The following IDO2 variants were observed in gnomAD, a reference collection of about 807,000 sequenced individuals.
IDO2 encodes the protein indoleamine 2,3-dioxygenase-like 1 protein.
IDO2 carries 46 observed loss-of-function variants against 45.1 expected under a neutral mutation model. The ratio of observed to expected loss-of-function variants is 1.02; its 90% CI spans 0.80 to 1.30. The LOEUF is 1.30. IDO2 is among the 50% of genes most tolerant of loss of function. The pLI, the probability that IDO2 is intolerant of heterozygous loss-of-function variation, is 0.00. For missense variants in IDO2, 544 were observed against 491.8 expected, an observed-to-expected ratio of 1.11 and a Z score of -1.00; for synonymous variants, 218 against 184.9, an observed-to-expected ratio of 1.18 and a Z score of -1.45.
At chr8:39,979,269 T>C in intron 4 of IDO2, 83 bp downstream of exon 4, 1 of 1,451,590 alleles carries the variant, frequency 6.9e-7, no homozygotes, top group Non-Finnish European at 9.3e-7. Context: ...GGTGCTACCC[T>C]GTTTTCCTGG....
At chr8:40,013,670 T>C in exon 10 of IDO2, 1 of 1,613,804 alleles carries the variant, frequency 6.2e-7, no homozygotes, top group South Asian at 1.1e-5. Flanking sequence ...CAGTGCTTCA[T>C]GCCTTTGATG....
chr8:39,998,093 A>G (rs1399195417), intron 8 of IDO2: 1 of 222,008 alleles, frequency 4.5e-6, no homozygotes, highest in Non-Finnish European at 9.5e-6. Context: ...CAGAGGTTCC[A>G]TATAACTGTC....
At chr8:39,985,560 AG>A (rs1808410671) in intron 6 of IDO2, 38 bp downstream of exon 6, 13 of 1,518,006 alleles carry the variant, frequency 8.6e-6, no homozygotes, top group African/African-American at 2.8e-5. Context: ...TTTAGAATCC[AG>A]GCCAAATTTA....
intron 2 of IDO2, among the ~76,000 whole-genome samples, chr8:39,960,746 C>T (rs1403825683): frequency 6.6e-6 from 1 of 152,178 alleles, no homozygotes; most frequent in East Asian, 1.9e-4. Flanking sequence ...TGATGATTCT[C>T]TACTTCTGTG....
At chr8:40,004,005 T>G (rs775548122) in intron 8 of IDO2, among the ~76,000 whole-genome samples, 1 of 152,248 alleles carries the variant, frequency 6.6e-6, no homozygotes, top group Non-Finnish European at 1.5e-5. Context: ...TCACACCTAT[T>G]GAAATGGTCA....
At chr8:39,954,790 G>A (rs1258463071) in intron 2 of IDO2, among the ~76,000 whole-genome samples, 1 of 151,284 alleles carries the variant, frequency 6.6e-6, no homozygotes, top group Non-Finnish European at 1.5e-5. Flanking sequence ...TGAATAGCTG[G>A]TATTACAGGT....
In IDO2 at chr8:39,958,743, G is replaced by A. The variant is rs1011220166; in HGVS notation, c.100-4865G>A. Among the ~76,000 whole-genome samples the A allele has an allele frequency of 9.8e-4, 149 of 152,066 alleles. 7 individuals are homozygous for A. Among genetic ancestry groups the A allele is most frequent in the Non-Finnish European group, 2.9e-5 (2 of 68,016 alleles). On this transcript the variant is annotated intron_variant, in intron 2 of 10. Transcript: ENST00000502986. ...TGGGATTACAGGTGTGAGCCACTGG[G>A]CCTGGCACCTGGTTTATTTTTGTGC...
At chr8:39,972,717 T>C (rs947787568) in intron 3 of IDO2, among the ~76,000 whole-genome samples, 4 of 151,498 alleles carry the variant, frequency 2.6e-5, no homozygotes, top group Admixed American at 1.3e-4. Flanking sequence ...AGTCAATTGA[T>C]GTGGCAAACC....
intron 2 of IDO2, among the ~76,000 whole-genome samples, chr8:39,960,564 A>G (rs1303962367): frequency 6.6e-6 from 1 of 152,064 alleles, no homozygotes; most frequent in Non-Finnish European, 1.5e-5. Flanking sequence ...CATTTTCTCT[A>G]TTTTCTAATT....
rs548853942 is a variant in IDO2, at chr8:39,972,891, G to T, written c.196-6176G>T. On this transcript the variant is annotated intron_variant, in intron 3 of 10. Coordinates refer to ENST00000502986, the Ensembl canonical transcript of IDO2. The stretch of plus-strand genomic sequence containing the variant: ...AGCAATAAAGTACTTTATAATTAAG[G>T]TATAAAGTACTTTATAATGTACATT... 3.3e-3 allele frequency among the ~76,000 whole-genome samples: 499 copies of T among 152,182 alleles called. 1 individual carries two copies. The highest frequency in any genetic ancestry group is 4.8e-3 in the Non-Finnish European group (324 of 68,000).
At chr8:39,999,922 A>G (rs1802108689) in intron 8 of IDO2, among the ~76,000 whole-genome samples, 1 of 152,148 alleles carries the variant, frequency 6.6e-6, no homozygotes, top group Non-Finnish European at 1.5e-5. Context: ...AGAGGAATTG[A>G]TTGCTGGGGT....
chr8:39,977,318 G>A (rs1261469467), intron 3 of IDO2, among the ~76,000 whole-genome samples: 1 of 152,362 alleles, frequency 6.6e-6, no homozygotes, highest in Admixed American at 6.5e-5. Flanking sequence ...TTTCGGCTAA[G>A]AGAGTGTCAA....
At chr8:39,980,289 A>C (rs559228367) in intron 4 of IDO2, among the ~76,000 whole-genome samples, 1 of 152,344 alleles carries the variant, frequency 6.6e-6, no homozygotes, top group East Asian at 1.9e-4. Flanking sequence ...GTCAGACAGC[A>C]AATTAGTGGA....
At chr8:39,981,264 G>A (rs1280514926) in intron 4 of IDO2, among the ~76,000 whole-genome samples, 1 of 151,904 alleles carries the variant, frequency 6.6e-6, no homozygotes, top group Non-Finnish European at 1.5e-5. Flanking sequence ...GTTTCACCAT[G>A]TTAGCCAGGA....
rs142928998 is a variant in IDO2 at position 39,989,758 on chromosome 8, A to G, written c.587A>G (p.Asn196Ser). Residue 196 changes from asparagine (N) to serine (S), a missense_variant, in exon 8 of 11, where the codon AAC (asparagine) becomes AGC (serine). By Grantham distance (46) the Asn-to-Ser change is conservative. Transcript: ENST00000502986. Reference sequence around the variant, plus strand: ...GCCACGAATGCTATCTTGCAGCCCAACCAGGAGGCCCTGCTCCAAGCCCTG... The same window carrying G: ...GCCACGAATGCTATCTTGCAGCCCAGCCAGGAGGCCCTGCTCCAAGCCCTG... 4.4e-5 allele frequency: 70 copies of G among 1,602,894 alleles called. No individual in the cohort carries two copies. The African/African-American group carries it at 8.0e-4, about 18-fold the overall frequency.
intron 1 of IDO2, among the ~76,000 whole-genome samples, chr8:39,948,817 A>C (rs1246138254): frequency 6.6e-6 from 1 of 152,142 alleles, no homozygotes; most frequent in Middle Eastern, 3.2e-3. Flanking sequence ...AGGTTTGATA[A>C]ACCACAACCA....
intron 8 of IDO2, among the ~76,000 whole-genome samples, chr8:39,999,205 A>C (rs1420266574): frequency 6.7e-6 from 1 of 149,638 alleles, no homozygotes; most frequent in Non-Finnish European, 1.5e-5. Flanking sequence ...GACTATGTGT[A>C]CCTGTTTCTC....
Position 39,992,797 on chromosome 8 carries a change from G to A in IDO2, c.667+2959G>A, listed in dbSNP as rs79676686. ...AGCCCAGCTTTAGCAAGAGTCATGA[G>A]CTCTAATCCCTTCATCCATAAATAC... On this transcript the variant is annotated intron_variant, in intron 8 of 10. Transcript: ENST00000502986. Among the ~76,000 whole-genome samples the A allele has an allele frequency of 6.6e-5, 10 of 152,274 alleles. No individual in the cohort carries two copies. In the East Asian group the frequency reaches 1.9e-3, roughly 29 times the overall value.
chr8:39,948,201 C>T (rs1329288703), intron 1 of IDO2, among the ~76,000 whole-genome samples: 1 of 152,236 alleles, frequency 6.6e-6, no homozygotes, highest in East Asian at 1.9e-4. Flanking sequence ...ATATATCCTT[C>T]TTTAACGTGA....
Sources: gnomAD v4.1 joint callset for allele counts (sites outside exome capture counted in the v4.1 genomes callset) on GRCh38, gnomAD v4.1.1 for gene constraint, MANE v1.5 for transcripts, NCBI Gene and HGNC (gene_info 2026-07-23, HGNC 2026-07-21) for gene names.